The following TBC1D19 variants were observed in gnomAD, a reference collection of about 807,000 sequenced individuals.
TBC1D19 encodes TBC1 domain family, member 19.
In TBC1D19, 60 loss-of-function variants were observed where a neutral mutation model predicts 89.0. The observed-to-expected ratio is 0.67, with a 90% CI of 0.55 to 0.84. The LOEUF is 0.84. Among genes scored for constraint, TBC1D19 ranks in the 40% least tolerant of loss-of-function variants. TBC1D19 has a pLI of 0.00. For synonymous variants in TBC1D19, 189 were observed against 199.7 expected, an observed-to-expected ratio of 0.95 and a Z score of 0.45; for missense variants, 500 against 610.8, an observed-to-expected ratio of 0.82 and a Z score of 1.91.
chr4:26,675,967 A>G (rs1306216553), intron 11 of TBC1D19, among the ~76,000 whole-genome samples: 8 of 152,186 alleles, frequency 5.3e-5, no homozygotes, highest in Admixed American at 5.2e-4. Flanking sequence ...TTCCTTTTCT[A>G]CGCATTTCTA....
At chr4:26,797,307 A>G in the TBC1D19 span, among the ~76,000 whole-genome samples, 1 of 152,204 alleles carries the variant, frequency 6.6e-6, no homozygotes, top group Non-Finnish European at 1.5e-5. Flanking sequence ...AGTGGCCACA[A>G]AAGAATAAAA....
chr4:26,649,646 T>G (rs2109038807), intron 7 of TBC1D19, among the ~76,000 whole-genome samples: 1 of 152,290 alleles, frequency 6.6e-6, no homozygotes, highest in South Asian at 2.1e-4. Flanking sequence ...ATGACTGGTT[T>G]CTTTTACTTA....
At chr4:26,765,983 A>G in the TBC1D19 span, among the ~76,000 whole-genome samples, 1 of 152,164 alleles carries the variant, frequency 6.6e-6, no homozygotes, top group Non-Finnish European at 1.5e-5. Flanking sequence ...TTGCACCCAT[A>G]ACACATGCAC....
At chr4:26,833,855 G>C in the TBC1D19 span, among the ~76,000 whole-genome samples, 4 of 152,194 alleles carry the variant, frequency 2.6e-5, no homozygotes, top group African/African-American at 9.7e-5. Context: ...GCTATATGTT[G>C]GGCTGTCTGC....
At chr4:26,642,177 G>A (rs1192713557) in intron 7 of TBC1D19, among the ~76,000 whole-genome samples, 1 of 152,214 alleles carries the variant, frequency 6.6e-6, no homozygotes, top group African/African-American at 2.4e-5. Context: ...GGCAGCCAGA[G>A]AGAAAGGTTG....
At chr4:26,600,908 C>T (rs921258846) in intron 1 of TBC1D19, among the ~76,000 whole-genome samples, 3 of 152,068 alleles carry the variant, frequency 2.0e-5, no homozygotes, top group African/African-American at 7.3e-5. Flanking sequence ...TTAGAAAGAA[C>T]CATAAGTATT....
chr4:26,696,068 T>G (rs536116015), intron 13 of TBC1D19, among the ~76,000 whole-genome samples: 1 of 152,174 alleles, frequency 6.6e-6, no homozygotes, highest in Non-Finnish European at 1.5e-5. Flanking sequence ...ACTAGCACAT[T>G]GGGTAAAGAG....
At chr4:26,817,897 G>A in the TBC1D19 span, among the ~76,000 whole-genome samples, 56,897 of 149,834 alleles carry the variant, frequency 0.38, 11,302 homozygotes, top group South Asian at 0.47. Context: ...GAACCCAGGA[G>A]GCAGAGGTTG....
intron 12 of TBC1D19, among the ~76,000 whole-genome samples, chr4:26,685,230 G>A (rs1713708048): frequency 6.6e-6 from 1 of 152,256 alleles, no homozygotes; most frequent in African/African-American, 2.4e-5. Context: ...CAAGAGAACA[G>A]CAGTGAAGAA....
chr4:26,679,565 C>G (rs2109130202), intron 11 of TBC1D19, among the ~76,000 whole-genome samples: 1 of 152,330 alleles, frequency 6.6e-6, no homozygotes, highest in East Asian at 1.9e-4. Context: ...TTGGAGCCCC[C>G]ACACAGAGTC....
At position 26,755,709 on chromosome 4, in the gene TBC1D19, T is replaced by C. The variant is rs1401925421; in HGVS notation, c.*762T>C. Among the ~76,000 whole-genome samples, 1 of 152,202 alleles carries C rather than the reference T, an allele frequency of 6.6e-6. No individual in the cohort carries two copies. Among genetic ancestry groups the C allele is most frequent in the African/African-American group, 2.4e-5 (1 of 41,456 alleles). Reference sequence around the variant, plus strand: ...GCCAGCTTCTGTTACTTTGTAACTATACAAGGAAGACACCCAAGAGAATGA... The same window carrying C: ...GCCAGCTTCTGTTACTTTGTAACTACACAAGGAAGACACCCAAGAGAATGA... On this transcript the variant is annotated 3_prime_UTR_variant, in exon 21 of 21. Coordinates refer to ENST00000264866, the MANE Select transcript of TBC1D19 (RefSeq NM_018317.4).
chr4:26,687,008 ATT>A (rs1713872971), intron 12 of TBC1D19, among the ~76,000 whole-genome samples: 1 of 151,642 alleles, frequency 6.6e-6, no homozygotes, highest in African/African-American at 2.4e-5. Context: ...AACATTTATT[ATT>A]TGTCTTCTTT....
rs1743246538 is a variant in TBC1D19, at chr4:26,638,092, T to G, written c.370-679T>G. ...TAGATCTAATACTCAACATTTATGT[T>G]ACTCTGGGCATTGAGGAGAAAAGAT... is the stretch of plus-strand genomic sequence containing the variant. On this transcript the variant is annotated intron_variant, in intron 5 of 20. Coordinates refer to ENST00000264866, the MANE Select transcript of TBC1D19 (RefSeq NM_018317.4). 8.6e-3 allele frequency among the ~76,000 whole-genome samples: 1,309 copies of G among 151,648 alleles called. 19 individuals carry two copies. Among genetic ancestry groups the G allele is most frequent in the African/African-American group, 0.03 (1,224 of 40,942 alleles).
At chr4:26,597,679 A>G (rs978409633) in intron 1 of TBC1D19, among the ~76,000 whole-genome samples, 1 of 151,256 alleles carries the variant, frequency 6.6e-6, no homozygotes, top group Non-Finnish European at 1.5e-5. Flanking sequence ...ATTTTTTTAA[A>G]TAGTCTTTTA....
At chr4:26,761,972 C>CA in the TBC1D19 span, among the ~76,000 whole-genome samples, 34 of 151,284 alleles carry the variant, frequency 2.2e-4, 1 homozygote, top group African/African-American at 6.8e-4. Context: ...ACTAAAAGTA[C>CA]AAAAAAAAGA....
the TBC1D19 span, among the ~76,000 whole-genome samples, chr4:26,840,892 G>A: frequency 6.6e-6 from 1 of 152,310 alleles, no homozygotes; most frequent in East Asian, 1.9e-4. Context: ...CCTGAGAAGA[G>A]TTCTTGGCCA....
intron 7 of TBC1D19, among the ~76,000 whole-genome samples, chr4:26,641,133 G>A (rs979481561): frequency 1.1e-4 from 16 of 152,216 alleles, no homozygotes; most frequent in African/African-American, 3.6e-4. Context: ...AGCCTAACTT[G>A]GAGACATCTC....
intron 1 of TBC1D19, among the ~76,000 whole-genome samples, chr4:26,577,948 T>C (rs189716190): frequency 6.1e-4 from 93 of 152,352 alleles, no homozygotes; most frequent in African/African-American, 2.2e-3. Context: ...CAAGGAAATT[T>C]TGAGCTAAGA....
intron 14 of TBC1D19, 88 bp downstream of exon 14, chr4:26,718,105 C>A: frequency 1.0e-6 from 1 of 957,396 alleles, no homozygotes; most frequent in Non-Finnish European, 1.6e-6. Context: ...AGTGGTGTTG[C>A]CAAATTATTA....
Sources: gnomAD v4.1 joint callset for allele counts (sites outside exome capture counted in the v4.1 genomes callset) on GRCh38, gnomAD v4.1.1 for gene constraint, MANE v1.5 for transcripts, NCBI Gene and HGNC (gene_info 2026-07-23, HGNC 2026-07-21) for gene names.